Variants in GANAB observed in about 807,000 individuals in gnomAD.
GANAB encodes the protein glucosidase II alpha subunit, also known as neutral alpha-glucosidase AB.
A neutral mutation model predicts 129.9 loss-of-function variants in GANAB; 35 were observed. The ratio of observed to expected loss-of-function variants is 0.27; its 90% CI spans 0.21 to 0.36. The LOEUF is 0.36. Ranked by LOEUF, GANAB falls within the 10% of genes least tolerant of loss-of-function variation. GANAB has a pLI of 1.00. For missense variants in GANAB, 939 were observed against 1,221.0 expected (o/e 0.77, Z 3.44); for synonymous variants, 482 against 451.8 (o/e 1.07, Z -0.85).
intron 10 of GANAB, 90 bp from the exon 11 acceptor site, chr11:62,630,926 G>C (rs1417986772): frequency 6.1e-6 from 9 of 1,484,920 alleles, no homozygotes; most frequent in South Asian, 4.8e-5. Context: ...GGCAGGCTGA[G>C]GGGTATAAAC....
chr11:62,629,871 G>A lies in GANAB; in HGVS notation c.1680C>T (p.Ala560=). The A allele has an allele frequency of 6.2e-7, 1 of 1,614,076 alleles. No homozygotes were observed. Among genetic ancestry groups the A allele is most frequent in the Non-Finnish European group, 8.5e-7 (1 of 1,179,972 alleles). Residue 560 remains alanine, a synonymous_variant, in exon 14 of 24, where the codon GCC becomes GCT. Transcript: ENST00000356638. ...GGTGCTCCCAGCCCCCATAATGCTG[G>A]GCATCCTTGAGCATGGTGACCTCAG... ...NGPEVTMLKD[A]QHYGGWEHRD... is the part of the protein sequence containing the mutation.
At chr11:62,633,626 G>T in intron 5 of GANAB, 112 bp from the exon 6 acceptor site, 1 of 889,686 alleles carries the variant, frequency 1.1e-6, no homozygotes, top group Non-Finnish European at 1.8e-6. Flanking sequence ...CGAAGGCATT[G>T]GAGGAAGGGA....
chr11:62,635,017 A>G lies in GANAB; in HGVS notation c.381-17T>C. On this transcript the variant is annotated splice_polypyrimidine_tract_variant and intron_variant, in intron 4 of 23. Coordinates refer to ENST00000356638, the MANE Select transcript of GANAB (RefSeq NM_198334.3). Reference sequence around the variant, plus strand: ...ACAGAAAGCCTGGGAAACATATCAAAAGAAATATAAGGAAGTACAAAGGGC... The same window carrying G: ...ACAGAAAGCCTGGGAAACATATCAAGAGAAATATAAGGAAGTACAAAGGGC... The G allele has an allele frequency of 6.3e-7, 1 of 1,594,414 alleles. No homozygotes were observed. The highest frequency in any genetic ancestry group is 8.6e-7 in the Non-Finnish European group (1 of 1,163,394).
chr11:62,633,336 A>C (rs1590807430), intron 6 of GANAB, 65 bp from the exon 7 acceptor site: 1 of 1,544,554 alleles, frequency 6.5e-7, no homozygotes, highest in East Asian at 2.2e-5. Context: ...GCTCCCATCA[A>C]CTAAATCCCA....
At chr11:62,626,297 C>T (rs778997632) in intron 22 of GANAB, 38 bp downstream of exon 22, 1 of 1,449,562 alleles carries the variant, frequency 6.9e-7, no homozygotes, top group Non-Finnish European at 9.7e-7. Context: ...GATCAGGCCC[C>T]AGCAAAGGCA....
intron 4 of GANAB, 86 bp downstream of exon 4, chr11:62,638,897 T>G (rs953847696): frequency 2.9e-6 from 4 of 1,375,252 alleles, no homozygotes; most frequent in Non-Finnish European, 4.1e-6. Context: ...TACCTTATTT[T>G]GGGAAAGAAT....
At chr11:62,632,781 GC>G in intron 8 of GANAB, 36 bp from the exon 9 acceptor site, 2 of 1,545,204 alleles carry the variant, frequency 1.3e-6, no homozygotes, top group Non-Finnish European at 1.8e-6. Flanking sequence ...CTGCTAACTG[GC>G]CCCAGGCTGC....
At chr11:62,638,582 GGAAGGAAGGAAGGAAGGAAGGA>G in intron 4 of GANAB, among the ~76,000 whole-genome samples, 1 of 48 alleles carries the variant, frequency 0.021, no homozygotes, top group South Asian at 0.5. Flanking sequence ...AAGGAAAGGA[GGAAGGAAGGAAGGAAGGAAGGA>G]AGGAAGGAAG....
Position 62,625,518 on chromosome 11 carries a change from A to G in GANAB, c.*297T>C. 2.2e-6 allele frequency: 1 copy of G among 454,206 alleles called. No individual in the cohort carries two copies. The highest frequency in any genetic ancestry group is 4.1e-6 in the Non-Finnish European group (1 of 244,686). 28.1% of individuals were successfully genotyped at this position (454,206 alleles called of 1,614,324 possible). ...CTAAATAAGGGAAAGAGAAGGGGCG[A>G]CAAGGGCCCTGTGGTTTCCTGGTGT... On this transcript the variant is annotated 3_prime_UTR_variant, in exon 24 of 24. Coordinates refer to ENST00000356638, the MANE Select transcript of GANAB (RefSeq NM_198334.3).
At chr11:62,630,051 A>T (rs1335215829) in intron 13 of GANAB, 94 bp from the exon 14 acceptor site, 2 of 1,458,914 alleles carry the variant, frequency 1.4e-6, no homozygotes, top group Admixed American at 3.5e-5. Context: ...ATCTAAAAAG[A>T]TGCATTTTTC....
intron 1 of GANAB, among the ~76,000 whole-genome samples, chr11:62,643,496 A>G (rs1165077547): frequency 6.6e-6 from 1 of 152,110 alleles, no homozygotes; most frequent in Non-Finnish European, 1.5e-5. Flanking sequence ...AAAAAAAATT[A>G]ACAGGGCATG....
intron 9 of GANAB, among the ~76,000 whole-genome samples, chr11:62,632,330 G>T (rs542492303): frequency 6.6e-6 from 1 of 152,198 alleles, no homozygotes; most frequent in African/African-American, 2.4e-5. Context: ...AGAGTACCTA[G>T]CACGTAACAC....
chr11:62,630,555 C>T (rs1234834400), intron 11 of GANAB, 46 bp downstream of exon 11: 1 of 1,613,126 alleles, frequency 6.2e-7, no homozygotes, highest in Non-Finnish European at 8.5e-7. Context: ...CTAAACTATG[C>T]TTCAGCCCTA....
chr11:62,633,663 C>T (rs1243558815), intron 5 of GANAB, 149 bp from the exon 6 acceptor site: 4 of 674,034 alleles, frequency 5.9e-6, no homozygotes, highest in South Asian at 1.7e-5. Flanking sequence ...GGAGAGGGAA[C>T]CCACAATGAG....
chr11:62,634,224 G>A, intron 5 of GANAB: 1 of 874,382 alleles, frequency 1.1e-6, no homozygotes, highest in Non-Finnish European at 2.0e-6. Context: ...AGGCTGGAAG[G>A]GTCTGGGGCA....
In GANAB at chr11:62,634,936, T is replaced by A. The variant is rs1554973410; in HGVS notation, c.445A>T (p.Ile149Phe). The A allele has an allele frequency of 6.2e-7, 1 of 1,613,836 alleles. No individual in the cohort carries two copies. The highest frequency in any genetic ancestry group is 1.1e-5 in the South Asian group (1 of 91,076). Residue 149 changes from isoleucine to phenylalanine, a missense_variant, in exon 5 of 24, where the codon ATC becomes TTC. Transcript: ENST00000356638. ...CGGAATGGCCGTGCTGTCAAGATGA[T>A]CTTGTAGGGTCCCTCAGCCATGGTT... ...ELTMAEGPYK[I>F]ILTARPFRLD...
intron 17 of GANAB, among the ~76,000 whole-genome samples, chr11:62,627,901 C>T (rs1350242818): frequency 2.6e-5 from 4 of 152,254 alleles, no homozygotes; most frequent in Admixed American, 6.5e-5. Context: ...AACCATGCTG[C>T]ACAGCAGCCT....
intron 1 of GANAB, among the ~76,000 whole-genome samples, chr11:62,644,940 T>C (rs563324356): frequency 3.9e-5 from 6 of 152,272 alleles, no homozygotes; most frequent in African/African-American, 1.4e-4. Context: ...CTTCAGCATC[T>C]GCTTGAAAGC....
chr11:62,629,966 G>T lies in GANAB; in HGVS notation c.1594-9C>A. The T allele has an allele frequency of 6.2e-7, 1 of 1,613,524 alleles. No individual in the cohort carries two copies. Among genetic ancestry groups the T allele is most frequent in the South Asian group, 1.1e-5 (1 of 91,076 alleles). ...AGGTTGGGAGCTGAGCCCTGGGAACGTGGGCAGAAAATGGGGACAGAAGGA... is the reference window on the plus strand; with the variant it reads ...AGGTTGGGAGCTGAGCCCTGGGAACTTGGGCAGAAAATGGGGACAGAAGGA... On this transcript the variant is annotated splice_polypyrimidine_tract_variant and intron_variant, in intron 13 of 23. Transcript: ENST00000356638.
Sources: allele counts gnomAD v4.1 joint callset (sites outside exome capture counted in the v4.1 genomes callset), GRCh38; gene constraint gnomAD v4.1.1; transcripts MANE v1.5; gene names NCBI Gene and HGNC (gene_info 2026-07-23, HGNC 2026-07-21).